The following MMP16 variants were observed in gnomAD, a reference collection of about 807,000 sequenced individuals.
The protein encoded by MMP16 is matrix metalloproteinase-16.
In MMP16, 12 loss-of-function variants were observed where a neutral mutation model predicts 67.8. That is an observed-to-expected ratio of 0.18 (90% CI 0.11 to 0.29). The LOEUF is 0.29. Ranked by LOEUF, MMP16 falls within the 10% of genes least tolerant of loss-of-function variation. The pLI is 1.00. For missense variants in MMP16, 475 were observed against 765.7 expected (o/e 0.62, Z 4.48); for synonymous variants, 249 against 255.9 (o/e 0.97, Z 0.26).
chr8:88,287,864 TACAG>T (rs1810858643), intron 1 of MMP16, among the ~76,000 whole-genome samples: 1 of 152,184 alleles, frequency 6.6e-6, no homozygotes, highest in Non-Finnish European at 1.5e-5. Flanking sequence ...AGCCTTCATT[TACAG>T]ACAAAGAAAC....
At chr8:88,057,121 C>T (rs1808342393) in intron 7 of MMP16, among the ~76,000 whole-genome samples, 1 of 152,066 alleles carries the variant, frequency 6.6e-6, no homozygotes, top group African/African-American at 2.4e-5. Flanking sequence ...AAATTTTCCA[C>T]CCTTATCTAT....
At chr8:88,061,510 CT>C (rs1808399989) in intron 7 of MMP16, among the ~76,000 whole-genome samples, 2 of 151,960 alleles carry the variant, frequency 1.3e-5, no homozygotes, top group Admixed American at 6.6e-5. Flanking sequence ...TGATCACTTC[CT>C]TTTGCAGCTC....
At chr8:88,287,613 A>T (rs1810853206) in intron 1 of MMP16, among the ~76,000 whole-genome samples, 2 of 152,176 alleles carry the variant, frequency 1.3e-5, no homozygotes, top group South Asian at 4.1e-4. Flanking sequence ...GTACCCAATA[A>T]ATATGTATCA....
intron 6 of MMP16, among the ~76,000 whole-genome samples, chr8:88,075,070 T>A (rs1057262381): frequency 1.3e-5 from 2 of 152,088 alleles, no homozygotes; most frequent in Non-Finnish European, 2.9e-5. Context: ...GCTTCTTGAA[T>A]GTGAGAGCAG....
chr8:88,238,288 G>A (rs1014933642), intron 1 of MMP16, among the ~76,000 whole-genome samples: 3 of 152,116 alleles, frequency 2.0e-5, no homozygotes, highest in Non-Finnish European at 4.4e-5. Flanking sequence ...CGAGGCAGAT[G>A]GATCATTTGA....
At chr8:88,071,549 G>A (rs914378212) in intron 7 of MMP16, among the ~76,000 whole-genome samples, 2 of 151,936 alleles carry the variant, frequency 1.3e-5, no homozygotes. Flanking sequence ...AATAATGTAA[G>A]GCAAAGAGGC....
chr8:88,125,546 TAGTC>T (rs1807915599), intron 4 of MMP16, among the ~76,000 whole-genome samples: 1 of 151,920 alleles, frequency 6.6e-6, no homozygotes, highest in Admixed American at 6.6e-5. Flanking sequence ...ACGTATACGT[TAGTC>T]AGGTAAAGTA....
In MMP16 at chr8:88,224,264, T is replaced by C. The variant is rs190580171; in HGVS notation, c.133-26958A>G. Among the ~76,000 whole-genome samples, 5 of 152,208 alleles carry C rather than the reference T, an allele frequency of 3.3e-5. No individual in the cohort carries two copies. The East Asian group carries it at 9.7e-4, about 29-fold the overall frequency. On this transcript the variant is annotated intron_variant, in intron 1 of 9. Coordinates refer to ENST00000286614, the MANE Select transcript of MMP16 (RefSeq NM_005941.5). ...AAACAAAGTTCCAGTTTAATCTTAA[T>C]ACCTCTTTAAGAATTTAATACAAAC...
intron 1 of MMP16, among the ~76,000 whole-genome samples, chr8:88,271,394 G>A (rs1160105181): frequency 6.6e-6 from 1 of 152,212 alleles, no homozygotes; most frequent in Non-Finnish European, 1.5e-5. Flanking sequence ...TTGTTGCAGA[G>A]TATACAAGAG....
chr8:88,157,378 T>C (rs556410909), intron 4 of MMP16, among the ~76,000 whole-genome samples: 1 of 151,908 alleles, frequency 6.6e-6, no homozygotes, highest in Non-Finnish European at 1.5e-5. Flanking sequence ...TTAAACCATC[T>C]TATATAAGGG....
chr8:88,247,748 G>A (rs568119087), intron 1 of MMP16, among the ~76,000 whole-genome samples: 2 of 151,950 alleles, frequency 1.3e-5, no homozygotes, highest in African/African-American at 2.4e-5. Flanking sequence ...CTGTACCTTC[G>A]CTCCACACTG....
chr8:88,135,390 T>C (rs1586169005), intron 4 of MMP16, among the ~76,000 whole-genome samples: 1 of 151,750 alleles, frequency 6.6e-6, no homozygotes, highest in South Asian at 2.1e-4. Context: ...AATAGATAGA[T>C]AGGTAAGCAA....
intron 7 of MMP16, among the ~76,000 whole-genome samples, chr8:88,059,749 C>T (rs1263074913): frequency 4.0e-5 from 6 of 151,768 alleles, no homozygotes; most frequent in Non-Finnish European, 8.8e-5. Flanking sequence ...GCAGAGTAAG[C>T]TATGGAGACA....
intron 1 of MMP16, among the ~76,000 whole-genome samples, chr8:88,222,929 T>G (rs1164535079): frequency 2.6e-5 from 4 of 152,022 alleles, no homozygotes; most frequent in Non-Finnish European, 5.9e-5. Context: ...TGGGAGAAAA[T>G]TTTTGCAATC....
intron 1 of MMP16, among the ~76,000 whole-genome samples, chr8:88,236,701 A>T (rs902607871): frequency 1.3e-5 from 2 of 152,062 alleles, no homozygotes. Context: ...GTGAGCCGAG[A>T]TCGCACCACT....
intron 1 of MMP16, among the ~76,000 whole-genome samples, chr8:88,275,659 T>C (rs1396229655): frequency 6.6e-6 from 1 of 151,946 alleles, no homozygotes; most frequent in East Asian, 1.9e-4. Context: ...GTTTATCTTC[T>C]TTTAAGGATC....
chr8:88,162,968 A>C (rs548189914), intron 4 of MMP16, among the ~76,000 whole-genome samples: 1 of 152,060 alleles, frequency 6.6e-6, no homozygotes, highest in Non-Finnish European at 1.5e-5. Flanking sequence ...AGAACAGACT[A>C]ATGCAGTATT....
chr8:88,166,869 C>A (rs1200475990), intron 4 of MMP16, among the ~76,000 whole-genome samples: 6 of 151,290 alleles, frequency 4.0e-5, no homozygotes, highest in African/African-American at 1.5e-4. Flanking sequence ...CTGCGCCCAG[C>A]CTGCAAAAAT....
At chr8:88,116,961 T>G (rs1809448234) in intron 5 of MMP16, among the ~76,000 whole-genome samples, 1 of 152,148 alleles carries the variant, frequency 6.6e-6, no homozygotes, top group South Asian at 2.1e-4. Flanking sequence ...TCTTTGTTAA[T>G]TTTTAATAAT....
Sources: allele counts gnomAD v4.1 joint callset (sites outside exome capture counted in the v4.1 genomes callset), GRCh38; gene constraint gnomAD v4.1.1; transcripts MANE v1.5; gene names NCBI Gene and HGNC (gene_info 2026-07-23, HGNC 2026-07-21).